Variants in SOS2 observed in about 807,000 individuals in gnomAD.
The protein encoded by SOS2 is son of sevenless homolog 2.
Under a neutral mutation model 148.2 loss-of-function variants are expected in SOS2, and 65 were observed. The observed-to-expected ratio is 0.44, with a 90% CI of 0.36 to 0.54. The LOEUF (loss-of-function observed/expected upper bound fraction) is 0.54. Among genes scored for constraint, SOS2 ranks in the 20% least tolerant of loss-of-function variants. The pLI, the probability that SOS2 is intolerant of heterozygous loss-of-function variation, is 0.00. For missense variants in SOS2, 1,341 were observed against 1,590.2 expected (o/e 0.84, Z 2.67); for synonymous variants, 539 against 537.1 (o/e 1.00, Z -0.05).
chr14:50,159,420 G>A lies in SOS2; in HGVS notation c.1852+11C>T. The stretch of plus-strand genomic sequence containing the variant: ...GGCCCTAGGTCAGCAGTTGTAATGA[G>A]TTTCACATACCTGCATACATATGAT... On this transcript the variant is annotated intron_variant, in intron 10 of 22. Transcript: ENST00000216373. 1.3e-6 allele frequency: 2 copies of A among 1,564,394 alleles called. No homozygotes were observed. Among genetic ancestry groups the A allele is most frequent in the Admixed American group, 3.7e-5 (2 of 54,744 alleles).
intron 8 of SOS2, among the ~76,000 whole-genome samples, chr14:50,163,498 G>A (rs1253158834): frequency 2.0e-5 from 3 of 152,060 alleles, no homozygotes; most frequent in African/African-American, 7.2e-5. Flanking sequence ...TAGAGGTCTT[G>A]TCATCAAGAG....
chr14:50,154,020 T>A (rs975468710), intron 12 of SOS2, among the ~76,000 whole-genome samples: 2 of 151,934 alleles, frequency 1.3e-5, no homozygotes, highest in African/African-American at 4.8e-5. Flanking sequence ...AATGATTACC[T>A]ATAACCTTGC....
intron 1 of SOS2, among the ~76,000 whole-genome samples, chr14:50,226,408 T>C (rs893428548): frequency 6.6e-6 from 1 of 152,220 alleles, no homozygotes; most frequent in South Asian, 2.1e-4. Context: ...AAAGATCCAG[T>C]GCCATCTTCT....
At chr14:50,188,851 T>C in intron 4 of SOS2, 151 bp from the exon 5 acceptor site, 1 of 584,562 alleles carries the variant, frequency 1.7e-6, no homozygotes, top group South Asian at 2.2e-5. Flanking sequence ...TCACTTGAGG[T>C]CAGGAGTTCA....
At chr14:50,144,657 C>T (rs8014895) in intron 16 of SOS2, among the ~76,000 whole-genome samples, 45,181 of 151,814 alleles carry the variant, frequency 0.3, 7,804 homozygotes, top group Non-Finnish European at 0.4. Context: ...AGGTTGGTTT[C>T]GAACTCCTGA....
intron 21 of SOS2, 71 bp from the exon 22 acceptor site, chr14:50,120,455 G>A (rs1413947029): frequency 1.1e-5 from 8 of 739,872 alleles, no homozygotes; most frequent in Admixed American, 5.0e-5. Context: ...ATTTGTGATC[G>A]ATACTTCTAC....
intron 16 of SOS2, among the ~76,000 whole-genome samples, chr14:50,143,511 C>T (rs1884365244): frequency 6.6e-6 from 1 of 152,022 alleles, no homozygotes; most frequent in Non-Finnish European, 1.5e-5. Context: ...AATCTTGGCT[C>T]ACTGCAACCT....
At chr14:50,204,128 A>T (rs1046446472) in intron 2 of SOS2, among the ~76,000 whole-genome samples, 156 bp downstream of exon 2, 9 of 152,014 alleles carry the variant, frequency 5.9e-5, no homozygotes, top group Non-Finnish European at 1.2e-4. Flanking sequence ...TTCCTCAATG[A>T]ACTGCCTTGA....
rs575923179 is a variant in SOS2 at position 50,132,552 on chromosome 14, G to A, written c.3075+1571C>T. On this transcript the variant is annotated intron_variant, in intron 19 of 22. Coordinates refer to ENST00000216373, the MANE Select transcript of SOS2 (RefSeq NM_006939.4). The stretch of plus-strand genomic sequence containing the variant: ...GGCACACACCTGTTATCCCAGTTAC[G>A]TGGGAGGCTGAGGCAGTAGAATTGC... Among the ~76,000 whole-genome samples the A allele has an allele frequency of 1.1e-4, 16 of 151,714 alleles. No individual in the cohort carries two copies. The South Asian group carries it at 3.1e-3, about 30-fold the overall frequency.
intron 8 of SOS2, among the ~76,000 whole-genome samples, chr14:50,167,112 T>TA (rs1037532111): frequency 1.1e-4 from 16 of 151,698 alleles, no homozygotes; most frequent in Admixed American, 2.0e-4. Context: ...CGTGCTTTTT[T>TA]AAAAAAAACA....
intron 4 of SOS2, among the ~76,000 whole-genome samples, chr14:50,195,386 A>G (rs911459319): frequency 6.6e-6 from 1 of 152,214 alleles, no homozygotes; most frequent in Non-Finnish European, 1.5e-5. Flanking sequence ...ATCCTGCCAC[A>G]TGAAGATTTT....
At chr14:50,171,037 C>T (rs943421693) in intron 8 of SOS2, among the ~76,000 whole-genome samples, 1 of 151,412 alleles carries the variant, frequency 6.6e-6, no homozygotes, top group East Asian at 1.9e-4. Flanking sequence ...TCGCTTGAAC[C>T]TGGGAGGCGG....
In SOS2 at chr14:50,137,111, T is replaced by C. The variant is rs1040172695; in HGVS notation, c.2958+1501A>G. Reference sequence around the variant, plus strand: ...GTAAACTTATTCTGGTTGATAGTTATAATATGTTCCCAAGTTCAAGTATAA... The same window carrying C: ...GTAAACTTATTCTGGTTGATAGTTACAATATGTTCCCAAGTTCAAGTATAA... On this transcript the variant is annotated intron_variant, in intron 18 of 22. Coordinates refer to ENST00000216373, the MANE Select transcript of SOS2 (RefSeq NM_006939.4). Among the ~76,000 whole-genome samples, 3 of 152,332 alleles carry C rather than the reference T, an allele frequency of 2.0e-5. No individual in the cohort carries two copies. The South Asian group carries it at 6.2e-4, about 32-fold the overall frequency.
chr14:50,190,061 C>G (rs951525322), intron 4 of SOS2, among the ~76,000 whole-genome samples: 2 of 151,904 alleles, frequency 1.3e-5, no homozygotes. Flanking sequence ...CCATGTTATT[C>G]AGGCTGGTCT....
In SOS2 at chr14:50,201,048, T is replaced by C; in HGVS notation, c.250A>G (p.Lys84Glu). 6.2e-7 allele frequency: 1 copy of C among 1,613,930 alleles called. No homozygotes were observed. Among genetic ancestry groups the C allele is most frequent in the Non-Finnish European group, 8.5e-7 (1 of 1,179,880 alleles). Residue 84 changes from lysine (K) to glutamate (E), a missense_variant, in exon 3 of 23, where the codon AAA becomes GAA. Coordinates refer to ENST00000216373, the MANE Select transcript of SOS2 (RefSeq NM_006939.4). ...GATTGTGCATCAGCAATGGCCCATT[T>C]ATCAATTGGGTGAGGAAAGGTCTTC... ...VQKTFPHPID[K>E]WAIADAQSAI...
chr14:50,125,970 T>C (rs1883668922), intron 21 of SOS2, among the ~76,000 whole-genome samples: 1 of 152,196 alleles, frequency 6.6e-6, no homozygotes, highest in African/African-American at 2.4e-5. Context: ...TTAGAGAAAA[T>C]GCCTACAGAT....
rs187158303 is a variant in SOS2 at position 50,181,212 on chromosome 14, G to A, written c.859-530C>T. ...GCCTATAATCCCAGCACTTTGGGAG[G>A]CCGAGGCGGACGGATCATGAGGTCA... On this transcript the variant is annotated intron_variant, in intron 6 of 22. Transcript: ENST00000216373. 9.2e-5 allele frequency among the ~76,000 whole-genome samples: 14 copies of A among 152,252 alleles called. No individual in the cohort carries two copies. The East Asian group carries it at 2.7e-3, about 29-fold the overall frequency.
chr14:50,129,996 T>C lies in SOS2; in HGVS notation c.3344A>G (p.Asn1115Ser). The C allele has an allele frequency of 6.3e-7, 1 of 1,588,586 alleles. No homozygotes were observed. The highest frequency in any genetic ancestry group is 8.6e-7 in the Non-Finnish European group (1 of 1,160,888). Residue 1115 changes from asparagine to serine, a missense_variant, in exon 21 of 23, where the codon AAT becomes AGT. Physicochemically the swap from Asn to Ser is conservative, Grantham distance 46. Around this residue, in one of 4 missense-constraint regions of SOS2, gnomAD observed 354 missense variants for 347.7 expected, o/e 1.02. Transcript: ENST00000216373. ...CAAAAGCACTGGAGCAAAGATGCTA[T>C]TGCTGCCTATTGGAATAAGAAAAAT... ...DVDLNSSCGS[N>S]SIFAPVLLPH...
At chr14:50,223,930 T>C (rs1252302783) in intron 1 of SOS2, among the ~76,000 whole-genome samples, 2 of 152,034 alleles carry the variant, frequency 1.3e-5, no homozygotes, top group African/African-American at 4.8e-5. Context: ...CAGATTTAGA[T>C]TATACGTGAA....
Sources: gnomAD v4.1 joint callset for allele counts (sites outside exome capture counted in the v4.1 genomes callset) on GRCh38, gnomAD v4.1.1 for gene constraint, gnomAD v4.1.1 regional missense constraint, MANE v1.5 for transcripts, NCBI Gene and HGNC (gene_info 2026-07-23, HGNC 2026-07-21) for gene names.